PPP1R12B: variants seen among roughly 807,000 people sequenced by gnomAD.
The protein encoded by PPP1R12B is protein phosphatase 1 regulatory subunit 12B.
A neutral mutation model predicts 126.1 loss-of-function variants in PPP1R12B; 76 were observed. The ratio of observed to expected loss-of-function variants is 0.60; its 90% CI spans 0.50 to 0.73. The LOEUF is 0.73. Ranked by LOEUF, PPP1R12B falls within the 30% of genes least tolerant of loss-of-function variation. The pLI is 0.00. For synonymous variants in PPP1R12B, 356 were observed against 434.7 expected (o/e 0.82, Z 2.25); for missense variants, 1,052 against 1,205.1 (o/e 0.87, Z 1.88).
In PPP1R12B at chr1:202,489,326, C is replaced by T. The variant is rs566455698; in HGVS notation, c.1941+703C>T. On this transcript the variant is annotated intron_variant, in intron 14 of 23. Transcript: ENST00000608999. ...AAGGGAAAAGAGTTTGGCAATTCCT[C>T]AAAATTTTAAACATAGTTACCATTT... Among the ~76,000 whole-genome samples the T allele has an allele frequency of 7.2e-5, 11 of 152,216 alleles. No individual in the cohort carries two copies. In the South Asian group the frequency reaches 2.3e-3, roughly 32 times the overall value.
chr1:202,511,688 C>T (rs1341675855), intron 18 of PPP1R12B, among the ~76,000 whole-genome samples: 1 of 151,992 alleles, frequency 6.6e-6, no homozygotes, highest in Non-Finnish European at 1.5e-5. Context: ...TAATGGGCTC[C>T]AACTCCATCC....
chr1:202,497,938 A>C (rs1481686840), intron 18 of PPP1R12B, among the ~76,000 whole-genome samples: 2 of 152,198 alleles, frequency 1.3e-5, no homozygotes, highest in East Asian at 1.9e-4. Flanking sequence ...AACTCAGGAA[A>C]TATAACTCAG....
chr1:202,546,820 G>A (rs1685693328), intron 18 of PPP1R12B, among the ~76,000 whole-genome samples: 1 of 152,174 alleles, frequency 6.6e-6, no homozygotes, highest in Non-Finnish European at 1.5e-5. Flanking sequence ...AGAGTGGTAA[G>A]CTTGTCTAAG....
At chr1:202,356,437 G>C (rs1223923809) in intron 1 of PPP1R12B, among the ~76,000 whole-genome samples, 2 of 152,096 alleles carry the variant, frequency 1.3e-5, no homozygotes, top group Non-Finnish European at 2.9e-5. Context: ...AGATGTGGTA[G>C]GCTGACTAAT....
Position 202,592,525 on chromosome 1 carries a change from C to T in PPP1R12B, c.*11965C>T, listed in dbSNP as rs560737569. ...CTCAGCATTGCCATGCGGCTATTTA[C>T]AGAAAGTTATAGACATGCATCTTGA... On this transcript the variant is annotated 3_prime_UTR_variant, in exon 24 of 24. Coordinates refer to ENST00000608999, the MANE Select transcript of PPP1R12B (RefSeq NM_002481.4). The T allele has an allele frequency of 6.6e-6, 1 of 152,254 alleles. No homozygotes were observed. Among genetic ancestry groups the T allele is most frequent in the Non-Finnish European group, 1.5e-5 (1 of 68,054 alleles). The allele number at this position is 152,254 out of a possible 1,614,324, so 9.4% of individuals were successfully genotyped here.
intron 3 of PPP1R12B, among the ~76,000 whole-genome samples, chr1:202,423,213 A>T (rs2148638942): frequency 6.6e-6 from 1 of 152,364 alleles, no homozygotes; most frequent in South Asian, 2.1e-4. Context: ...AGAATAATAT[A>T]TTCTAAAAAT....
At chr1:202,449,478 A>T (rs1332077187) in intron 13 of PPP1R12B, among the ~76,000 whole-genome samples, 1 of 151,578 alleles carries the variant, frequency 6.6e-6, no homozygotes, top group Admixed American at 6.6e-5. Flanking sequence ...GGGTTTCACC[A>T]TGTTAGCCAG....
At chr1:202,446,095 T>C (rs1379296391) in intron 12 of PPP1R12B, among the ~76,000 whole-genome samples, 1 of 151,644 alleles carries the variant, frequency 6.6e-6, no homozygotes, top group Non-Finnish European at 1.5e-5. Flanking sequence ...AATAATACTG[T>C]ATAATTATAG....
At chr1:202,537,751 G>A (rs1684695932) in intron 18 of PPP1R12B, among the ~76,000 whole-genome samples, 1 of 152,124 alleles carries the variant, frequency 6.6e-6, no homozygotes, top group Admixed American at 6.5e-5. Flanking sequence ...TGCCTTTAAG[G>A]AATAATGTAA....
chr1:202,407,740 T>G (rs781496499), intron 1 of PPP1R12B, among the ~76,000 whole-genome samples: 1 of 152,090 alleles, frequency 6.6e-6, no homozygotes, highest in African/African-American at 2.4e-5. Flanking sequence ...ACTGATAGGT[T>G]AAAGCCTTCC....
chr1:202,402,637 G>T (rs1202019405), intron 1 of PPP1R12B, among the ~76,000 whole-genome samples: 3 of 152,176 alleles, frequency 2.0e-5, no homozygotes, highest in African/African-American at 7.2e-5. Flanking sequence ...CTTTAAGAGA[G>T]GTCAACTATG....
At chr1:202,532,588 TAATG>T (rs1397633973) in intron 18 of PPP1R12B, among the ~76,000 whole-genome samples, 1 of 152,202 alleles carries the variant, frequency 6.6e-6, no homozygotes, top group African/African-American at 2.4e-5. Context: ...CATAACCTAA[TAATG>T]AGCCTCATTG....
At position 202,422,707 on chromosome 1, in the gene PPP1R12B, G is replaced by A. The variant is rs191792231; in HGVS notation, c.510G>A (p.Lys170=). ...PSDLAEEPAM[K]DLLLEQVKKQ... is the part of the protein sequence containing the mutation. ...ACCTTGCAGAAGAGCCAGCCATGAA[G>A]GATCTTCTTCTGGAGCAAGTAAAGA... The change falls in exon 3 of 24, where the codon AAG becomes AAA. Residue 170 remains lysine (K), a synonymous_variant. Coordinates refer to ENST00000608999, the MANE Select transcript of PPP1R12B (RefSeq NM_002481.4). 2,643 of 1,613,764 alleles carry A rather than the reference G, an allele frequency of 1.6e-3. 56 individuals are homozygous for A. Among genetic ancestry groups the A allele is most frequent in the Non-Finnish European group, 1.1e-4 (134 of 1,179,766 alleles).
chr1:202,566,678 TCTTC>T (rs1558383380), intron 21 of PPP1R12B, among the ~76,000 whole-genome samples: 1 of 152,216 alleles, frequency 6.6e-6, no homozygotes, highest in Non-Finnish European at 1.5e-5. Context: ...CGTTTTTTTC[TCTTC>T]CTTCTGCTTC....
rs150026227 is a variant in PPP1R12B at position 202,358,411 on chromosome 1, G to A, written c.291+9269G>A. ...AAAAACTGAAGCTTTGCCCAGGCGC[G>A]GTGGCTCACGCCTGTAATCCCAGCA... On this transcript the variant is annotated intron_variant, in intron 1 of 23. Coordinates refer to ENST00000608999, the MANE Select transcript of PPP1R12B (RefSeq NM_002481.4). Among the ~76,000 whole-genome samples the A allele has an allele frequency of 1.1e-4, 16 of 152,280 alleles. No individual in the cohort carries two copies. The East Asian group carries it at 1.5e-3, about 15-fold the overall frequency.
chr1:202,387,648 TA>T (rs1663377589), intron 1 of PPP1R12B, among the ~76,000 whole-genome samples: 1 of 152,312 alleles, frequency 6.6e-6, no homozygotes, highest in African/African-American at 2.4e-5. Flanking sequence ...AATGATTTAT[TA>T]AAAGGCCAGT....
chr1:202,445,143 AC>A, intron 12 of PPP1R12B: 1 of 1,245,718 alleles, frequency 8.0e-7, no homozygotes, highest in Non-Finnish European at 1.0e-6. Flanking sequence ...TGGTTCATCT[AC>A]CTCTCGGGGC....
intron 1 of PPP1R12B, among the ~76,000 whole-genome samples, chr1:202,358,871 C>G (rs931586362): frequency 6.6e-6 from 1 of 151,988 alleles, no homozygotes; most frequent in African/African-American, 2.4e-5. Context: ...TAATCTAATG[C>G]AAATTTGGGG....
chr1:202,400,121 T>A (rs1175611858), intron 1 of PPP1R12B, among the ~76,000 whole-genome samples: 3 of 152,192 alleles, frequency 2.0e-5, no homozygotes, highest in Non-Finnish European at 2.9e-5. Context: ...GAATTTGTTT[T>A]CTGTTCCTGT....
Sources: gnomAD v4.1 joint callset for allele counts (sites outside exome capture counted in the v4.1 genomes callset) on GRCh38, gnomAD v4.1.1 for gene constraint, MANE v1.5 for transcripts, NCBI Gene and HGNC (gene_info 2026-07-23, HGNC 2026-07-21) for gene names.